The following RNF167 variants were observed in gnomAD, a reference collection of about 807,000 sequenced individuals.
The protein encoded by RNF167 is ring finger protein 167.
In RNF167, 19 loss-of-function variants were observed where a neutral mutation model predicts 34.8. That is an observed-to-expected ratio of 0.55 (90% CI 0.38 to 0.80). The LOEUF (loss-of-function observed/expected upper bound fraction) is 0.80. RNF167 is among the 30% of genes least tolerant of loss of function. RNF167 has a pLI of 0.00. For missense variants in RNF167, 464 were observed against 447.0 expected, an observed-to-expected ratio of 1.04 and a Z score of -0.34; for synonymous variants, 200 against 170.4, an observed-to-expected ratio of 1.17 and a Z score of -1.35.
At chr17:4,943,719 G>A (rs748918850) in intron 8 of RNF167, among the ~76,000 whole-genome samples, 200 bp downstream of exon 8, 4 of 152,218 alleles carry the variant, frequency 2.6e-5, no homozygotes, top group Non-Finnish European at 5.9e-5. Context: ...ACCAGCCTGG[G>A]TGACATGATA....
chr17:4,942,511 A>C, intron 4 of RNF167, 45 bp downstream of exon 4: 1 of 1,613,208 alleles, frequency 6.2e-7, no homozygotes, highest in African/African-American at 1.3e-5. Flanking sequence ...GGGTAAAAAA[A>C]AGGCACCAGG....
At position 4,943,445 on chromosome 17, in the gene RNF167, A is replaced by C; in HGVS notation, c.596A>C (p.His199Pro). The stretch of plus-strand genomic sequence containing the variant: ...CCCCAGATAGCTCGTTGTATCCAGC[A>C]CCGGAAACGGCTCCAGCGGAATCGA... ...GAVMIARCIQ[H>P]RKRLQRNRLT... Residue 199 changes from histidine (H) to proline (P), a missense_variant, in exon 8 of 10, where the codon CAC becomes CCC. Coordinates refer to ENST00000262482, the MANE Select transcript of RNF167 (RefSeq NM_015528.3). 1 of 1,613,948 alleles carries C rather than the reference A, an allele frequency of 6.2e-7. No homozygotes were observed. Among genetic ancestry groups the C allele is most frequent in the Middle Eastern group, 1.7e-4 (1 of 6,060 alleles).
At position 4,940,781 on chromosome 17, in the gene RNF167, TG is replaced by T; in HGVS notation, c.-126del. 7 of 760,090 alleles carry T rather than the reference TG, an allele frequency of 9.2e-6. No individual in the cohort carries two copies. In the South Asian group the frequency reaches 1.2e-4, roughly 14 times the overall value. 47.1% of individuals were successfully genotyped at this position (760,090 alleles called of 1,614,324 possible). ...TCCTTCCCCGGCGCCCCCATGTAGC[TG>T]GGAAGTGGGACCTGGGGGTGGTTGG... On this transcript the variant is annotated 5_prime_UTR_variant, in exon 2 of 10. Coordinates refer to ENST00000262482, the MANE Select transcript of RNF167 (RefSeq NM_015528.3).
chr17:4,940,914 AC>A lies in RNF167; in HGVS notation c.8del (p.Pro3LeufsTer47). M[H>X]PAAFPLPVVV... ...AGCCTCTTTCCTCCCGCTGCCATGC[AC>A]CCTGCAGCCTTCCCGCTTCCTGTGG... is the stretch of plus-strand genomic sequence containing the variant. On this transcript the variant is annotated frameshift_variant, in exon 2 of 10. Transcript: ENST00000262482. LOFTEE classifies it high-confidence loss of function. The A allele has an allele frequency of 6.2e-7, 1 of 1,602,294 alleles. No individual in the cohort carries two copies. Among genetic ancestry groups the A allele is most frequent in the South Asian group, 1.1e-5 (1 of 89,816 alleles).
Position 4,943,434 on chromosome 17 carries a change from T to C in RNF167, c.585T>C (p.Arg195=). 2 of 1,613,832 alleles carry C rather than the reference T, an allele frequency of 1.2e-6. No individual in the cohort carries two copies. The highest frequency in any genetic ancestry group is 1.7e-6 in the Non-Finnish European group (2 of 1,179,896). Residue 195 remains arginine, a synonymous_variant, in exon 8 of 10, where the codon CGT becomes CGC. Coordinates refer to ENST00000262482, the MANE Select transcript of RNF167 (RefSeq NM_015528.3). The part of the protein sequence containing the change: ...VLAMGAVMIA[R]CIQHRKRLQR... ...ACCCCCGCTTCCCCCAGATAGCTCG[T>C]TGTATCCAGCACCGGAAACGGCTCC...
chr17:4,943,120 CCT>C (rs1235145187), intron 6 of RNF167, 57 bp from the exon 7 acceptor site: 2 of 1,484,970 alleles, frequency 1.3e-6, no homozygotes, highest in Admixed American at 1.8e-5. Context: ...TTACTTTGTC[CCT>C]CTTTTTTTCT....
chr17:4,940,747 A>T lies in RNF167; in HGVS notation c.-163A>T. On this transcript the variant is annotated 5_prime_UTR_variant, in exon 2 of 10. Transcript: ENST00000262482. Reference sequence around the variant, plus strand: ...AACGGGTTGGATATCTCATTCTTTGAGTTGGTGTTCCTTCCCCGGCGCCCC... The same window carrying T: ...AACGGGTTGGATATCTCATTCTTTGTGTTGGTGTTCCTTCCCCGGCGCCCC... 1 of 568,204 alleles carries T rather than the reference A, an allele frequency of 1.8e-6. No individual in the cohort carries two copies. Among genetic ancestry groups the T allele is most frequent in the Non-Finnish European group, 3.1e-6 (1 of 326,716 alleles). 35.2% of individuals were successfully genotyped at this position (568,204 alleles called of 1,614,324 possible).
chr17:4,942,458 G>T lies in RNF167; in HGVS notation c.283G>T (p.Asp95Tyr). 6.2e-7 allele frequency: 1 copy of T among 1,614,098 alleles called. No individual in the cohort carries two copies. Among genetic ancestry groups the T allele is most frequent in the Non-Finnish European group, 8.5e-7 (1 of 1,180,014 alleles). Residue 95 changes from aspartate (D) to tyrosine (Y), a missense_variant, in exon 4 of 10, where the codon GAC (aspartate) becomes TAC (tyrosine). Coordinates refer to ENST00000262482, the MANE Select transcript of RNF167 (RefSeq NM_015528.3). ...ALLRRFDCNF[D>Y]LKVLNAQKAG... ...GCTTCGAAGATTCGACTGCAACTTT[G>T]ACCTCAAGGTTGCTGAATGAGGAAG...
chr17:4,943,242 A>G lies in RNF167; in HGVS notation c.534A>G (p.Thr178=). 1 of 1,613,888 alleles carries G rather than the reference A, an allele frequency of 6.2e-7. No individual in the cohort carries two copies. Among genetic ancestry groups the G allele is most frequent in the Non-Finnish European group, 8.5e-7 (1 of 1,179,972 alleles). Residue 178 remains threonine (T), a synonymous_variant, in exon 7 of 10, where the codon ACA becomes ACG. Transcript: ENST00000262482. The stretch of plus-strand genomic sequence containing the variant: ...TGGGCTATTACCTCATCCCTTTCAC[A>G]GGGATTGTGGGACTGCTGGTTTTGG... ...FPLGYYLIPF[T]GIVGLLVLAM...
intron 6 of RNF167, 33 bp downstream of exon 6, chr17:4,942,974 C>T (rs771312929): frequency 6.3e-7 from 1 of 1,599,468 alleles, no homozygotes; most frequent in Non-Finnish European, 8.6e-7. Context: ...ATTCTTCCTT[C>T]AGCAAGCAGT....
Position 4,942,351 on chromosome 17 carries a change from T to A in RNF167, c.176T>A (p.Val59Glu). ...LSQEGLQGFL[V>E]EAHPDNACSP... ...GCTTCCATCCTTCAGGGGTTCCTTG[T>A]GGAGGCTCACCCAGACAATGCCTGC... Residue 59 changes from valine to glutamate, a missense_variant, in exon 4 of 10, where the codon GTG becomes GAG. Physicochemically the swap from Val to Glu is moderately radical, Grantham distance 121 (BLOSUM62 -2). Transcript: ENST00000262482. 1 of 1,613,906 alleles carries A rather than the reference T, an allele frequency of 6.2e-7. No homozygotes were observed. The highest frequency in any genetic ancestry group is 8.5e-7 in the Non-Finnish European group (1 of 1,180,002).
rs1971224400 is a variant in RNF167, at chr17:4,944,748, C to T, written c.785C>T (p.Thr262Ile). 1 of 1,613,706 alleles carries T rather than the reference C, an allele frequency of 6.2e-7. No individual in the cohort carries two copies. Among genetic ancestry groups the T allele is most frequent in the Non-Finnish European group, 8.5e-7 (1 of 1,179,798 alleles). ...AGCCGCTGCGTGGACCCCTGGCTCACTCAGACCCGGAAGACCTGCCCCATT... is the reference window on the plus strand; with the variant it reads ...AGCCGCTGCGTGGACCCCTGGCTCATTCAGACCCGGAAGACCTGCCCCATT... ...YHSRCVDPWL[T>I]QTRKTCPICK... The change falls in exon 10 of 10, where the codon ACT (threonine) becomes ATT (isoleucine). Residue 262 changes from threonine (T) to isoleucine (I), a missense_variant. By Grantham distance (89) the Thr-to-Ile change is moderately conservative. Transcript: ENST00000262482.
At chr17:4,940,201 A>G (rs954621498), upstream of RNF167, 4 of 327,410 alleles carry the variant, frequency 1.2e-5, no homozygotes, top group Non-Finnish European at 2.2e-5. Flanking sequence ...AAAATAGAGA[A>G]GAGTTTGTTT....
rs775861531 is a variant in RNF167, at chr17:4,940,892, C to T, written c.-18C>T. ...TACCAGGACGCGCGGCCTCCTCAGC[C>T]TCTTTCCTCCCGCTGCCATGCACCC... On this transcript the variant is annotated 5_prime_UTR_variant, in exon 2 of 10. Transcript: ENST00000262482. 4 of 1,564,234 alleles carry T rather than the reference C, an allele frequency of 2.6e-6. No homozygotes were observed. Among genetic ancestry groups the T allele is most frequent in the South Asian group, 2.4e-5 (2 of 84,518 alleles).
In RNF167 at chr17:4,945,113, C is replaced by T. The variant is rs1971287152; in HGVS notation, c.*97C>T. The T allele has an allele frequency of 7.8e-6, 9 of 1,159,816 alleles. No homozygotes were observed. The highest frequency in any genetic ancestry group is 3.1e-5 in the African/African-American group (2 of 64,052). The allele number at this position is 1,159,816 out of a possible 1,614,324, so 71.8% of individuals were successfully genotyped here. On this transcript the variant is annotated 3_prime_UTR_variant, in exon 10 of 10. Transcript: ENST00000262482. The stretch of plus-strand genomic sequence containing the variant: ...ATAGGGGACATTCCATCCCAAGCTT[C>T]TCCCTTACCCACACCTATCCTTTTG...
In RNF167 at chr17:4,943,223, A is replaced by G. The variant is rs770826233; in HGVS notation, c.515A>G (p.Tyr172Cys). The G allele has an allele frequency of 1.2e-5, 19 of 1,613,866 alleles. No homozygotes were observed. Among genetic ancestry groups the G allele is most frequent in the East Asian group, 4.5e-5 (2 of 44,888 alleles). The part of the protein sequence containing the change: ...LVPDNTFPLG[Y>C]YLIPFTGIVG... ...CCAGACAATACCTTCCCCTTGGGCTATTACCTCATCCCTTTCACAGGGATT... is the reference window on the plus strand; with the variant it reads ...CCAGACAATACCTTCCCCTTGGGCTGTTACCTCATCCCTTTCACAGGGATT... Residue 172 changes from tyrosine (Y) to cysteine (C), a missense_variant, in exon 7 of 10, where the codon TAT becomes TGT. Transcript: ENST00000262482.
In RNF167 at chr17:4,945,167, C is replaced by G. The variant is rs1971298146; in HGVS notation, c.*151C>G. ...GGCTTTGGGGTGGAGCTGGGGCAAG[C>G]AGAGGGACTGGGTCTTCACTTCTTG... is the stretch of plus-strand genomic sequence containing the variant. On this transcript the variant is annotated 3_prime_UTR_variant, in exon 10 of 10. Transcript: ENST00000262482. The G allele has an allele frequency of 3.2e-6, 2 of 630,614 alleles. No individual in the cohort carries two copies. The highest frequency in any genetic ancestry group is 5.2e-6 in the Non-Finnish European group (2 of 383,706). The allele number at this position is 630,614 out of a possible 1,614,324, so 39.1% of individuals were successfully genotyped here. A position where few individuals can be genotyped will look rare whatever the true frequency, so the allele number is the denominator to read the frequency against.
At chr17:4,943,089 A>G (rs1970992407) in intron 6 of RNF167, 90 bp from the exon 7 acceptor site, 5 of 1,336,232 alleles carry the variant, frequency 3.7e-6, no homozygotes, top group Non-Finnish European at 4.3e-6. Flanking sequence ...GTCCCCACCT[A>G]TGGGCTTTGT....
Position 4,940,516 on chromosome 17 carries a change from A to G in RNF167, c.-394A>G, listed in dbSNP as rs1328897805. The G allele has an allele frequency of 1.1e-5, 2 of 187,238 alleles. No individual in the cohort carries two copies. The highest frequency in any genetic ancestry group is 1.3e-4 in the East Asian group (1 of 7,564). The allele number at this position is 187,238 out of a possible 1,614,324, so 11.6% of individuals were successfully genotyped here. ...GGAAGTCCTTCATCTCAAGCATCCA[A>G]TGCTGAAAGCGGCCTGATTTTCTCT... On this transcript the variant is annotated 5_prime_UTR_variant, in exon 2 of 10. An upstream start codon of the reference 5' UTR is lost. Coordinates refer to ENST00000262482, the MANE Select transcript of RNF167 (RefSeq NM_015528.3).
Sources: gnomAD v4.1 joint callset for allele counts (sites outside exome capture counted in the v4.1 genomes callset) on GRCh38, gnomAD v4.1.1 for gene constraint, MANE v1.5 for transcripts, NCBI Gene and HGNC (gene_info 2026-07-23, HGNC 2026-07-21) for gene names.